The following SLC2A13 variants were observed in gnomAD, a reference collection of about 807,000 sequenced individuals.
SLC2A13 encodes the protein solute carrier family 2 member 13.
A neutral mutation model predicts 64.4 loss-of-function variants in SLC2A13; 32 were observed. That is an observed-to-expected ratio of 0.50 (90% CI 0.37 to 0.67). SLC2A13 has a LOEUF of 0.67. Ranked by LOEUF, SLC2A13 falls within the 30% of genes least tolerant of loss-of-function variation. The pLI is 0.00. For synonymous variants in SLC2A13, 338 were observed against 327.1 expected, an observed-to-expected ratio of 1.03 and a Z score of -0.36; for missense variants, 743 against 829.2, an observed-to-expected ratio of 0.90 and a Z score of 1.28.
At chr12:40,051,609 T>C (rs1296266199) in intron 1 of SLC2A13, among the ~76,000 whole-genome samples, 1 of 152,062 alleles carries the variant, frequency 6.6e-6, no homozygotes, top group Non-Finnish European at 1.5e-5. Context: ...GGGCCTTGGA[T>C]AGAAGTCATA....
chr12:39,783,827 C>T (rs1941086688), intron 7 of SLC2A13, among the ~76,000 whole-genome samples: 1 of 152,128 alleles, frequency 6.6e-6, no homozygotes, highest in Admixed American at 6.6e-5. Flanking sequence ...TAGAAAACCC[C>T]ATCGTCGCAG....
intron 3 of SLC2A13, among the ~76,000 whole-genome samples, chr12:39,956,926 A>C (rs1279602779): frequency 6.6e-6 from 1 of 152,136 alleles, no homozygotes; most frequent in Non-Finnish European, 1.5e-5. Context: ...GAGCAAGATA[A>C]TCACTGCTCA....
Position 39,980,518 on chromosome 12 carries a change from G to T in SLC2A13, c.926-29153C>A, listed in dbSNP as rs1946869832. On this transcript the variant is annotated intron_variant, in intron 3 of 9. Coordinates refer to ENST00000280871, the MANE Select transcript of SLC2A13 (RefSeq NM_052885.4). ...TGGAAAACAAAAAAAGGCAGGGGTTGCAATCCTAGTCTCTGATAAAGCAGA... is the reference window on the plus strand; with the variant it reads ...TGGAAAACAAAAAAAGGCAGGGGTTTCAATCCTAGTCTCTGATAAAGCAGA... Among the ~76,000 whole-genome samples the T allele has an allele frequency of 2.0e-5, 3 of 151,686 alleles. No homozygotes were observed. In the South Asian group the frequency reaches 6.3e-4, roughly 32 times the overall value.
intron 6 of SLC2A13, among the ~76,000 whole-genome samples, chr12:39,833,515 T>C (rs1942919275): frequency 6.6e-6 from 1 of 152,018 alleles, no homozygotes; most frequent in South Asian, 2.1e-4. Context: ...ATCCTCAATG[T>C]CTTCATATTT....
Position 39,846,926 on chromosome 12 carries a change from T to C in SLC2A13, c.1320-16698A>G, listed in dbSNP as rs553922426. The stretch of plus-strand genomic sequence containing the variant: ...ACTGTGACCATTCTTTTTGAAAAGA[T>C]AAGGAAATCACTCATTTGTTCAGAT... On this transcript the variant is annotated intron_variant, in intron 6 of 9. Coordinates refer to ENST00000280871, the MANE Select transcript of SLC2A13 (RefSeq NM_052885.4). Among the ~76,000 whole-genome samples the C allele has an allele frequency of 3.3e-5, 5 of 152,290 alleles. No homozygotes were observed. In the East Asian group the frequency reaches 9.6e-4, roughly 29 times the overall value.
At chr12:39,977,740 T>A (rs1334596315) in intron 3 of SLC2A13, among the ~76,000 whole-genome samples, 1 of 152,194 alleles carries the variant, frequency 6.6e-6, no homozygotes, top group Non-Finnish European at 1.5e-5. Context: ...TTGGCAGTAA[T>A]CCAGAGGCAA....
At chr12:39,838,760 T>C (rs187056899) in intron 6 of SLC2A13, among the ~76,000 whole-genome samples, 1 of 152,090 alleles carries the variant, frequency 6.6e-6, no homozygotes, top group Non-Finnish European at 1.5e-5. Context: ...GAAAATCTTT[T>C]AAAAATTGAT....
intron 3 of SLC2A13, among the ~76,000 whole-genome samples, chr12:40,021,345 A>G (rs2136207254): frequency 6.6e-6 from 1 of 152,300 alleles, no homozygotes; most frequent in African/African-American, 2.4e-5. Flanking sequence ...GGTTTAGAAA[A>G]TCGACGACAA....
Position 40,028,641 on chromosome 12 carries a change from G to T in SLC2A13, c.717-132C>A, listed in dbSNP as rs530207335. ...TAGCCAGAATTATTTGTGCATTTATGTGTGTGTCTGTCACTAGGAAAAAAG... is the reference window on the plus strand; with the variant it reads ...TAGCCAGAATTATTTGTGCATTTATTTGTGTGTCTGTCACTAGGAAAAAAG... On this transcript the variant is annotated intron_variant, in intron 2 of 9. Transcript: ENST00000280871. 9.0e-6 allele frequency: 7 copies of T among 780,092 alleles called. No homozygotes were observed. The East Asian group carries it at 1.6e-4, about 18-fold the overall frequency. 48.3% of individuals were successfully genotyped at this position (780,092 alleles called of 1,614,324 possible).
intron 1 of SLC2A13, among the ~76,000 whole-genome samples, chr12:40,104,113 A>C (rs1316707410): frequency 3.9e-5 from 6 of 152,208 alleles, no homozygotes; most frequent in Non-Finnish European, 8.8e-5. Context: ...GTGAATACAC[A>C]GATCAGCAGC....
chr12:39,830,316 C>T, intron 6 of SLC2A13, 88 bp from the exon 7 acceptor site: 4 of 1,535,668 alleles, frequency 2.6e-6, no homozygotes, highest in Non-Finnish European at 3.5e-6. Flanking sequence ...CTGCATTTTC[C>T]ACTCTCTTGT....
rs1231243844 is a variant in SLC2A13 at position 40,031,974 on chromosome 12, A to C, written c.717-3465T>G. ...GCAGGCAGTCCCCAGAAAAGCAAGTAGTCTCCTATTGATACAAGAGATCTC... is the reference window on the plus strand; with the variant it reads ...GCAGGCAGTCCCCAGAAAAGCAAGTCGTCTCCTATTGATACAAGAGATCTC... On this transcript the variant is annotated intron_variant, in intron 2 of 9. Coordinates refer to ENST00000280871, the MANE Select transcript of SLC2A13 (RefSeq NM_052885.4). Among the ~76,000 whole-genome samples, 5 of 152,274 alleles carry C rather than the reference A, an allele frequency of 3.3e-5. No homozygotes were observed. In the East Asian group the frequency reaches 9.7e-4, roughly 29 times the overall value.
At chr12:39,984,303 C>A (rs892490658) in intron 3 of SLC2A13, among the ~76,000 whole-genome samples, 1 of 150,912 alleles carries the variant, frequency 6.6e-6, no homozygotes, top group South Asian at 2.1e-4. Flanking sequence ...ACAATGTGCA[C>A]ATGTACCCTA....
intron 3 of SLC2A13, among the ~76,000 whole-genome samples, chr12:39,959,909 C>T (rs1399615404): frequency 6.6e-6 from 1 of 152,164 alleles, no homozygotes; most frequent in Non-Finnish European, 1.5e-5. Flanking sequence ...GCTGCATCTA[C>T]CAACCAACCC....
At chr12:40,100,921 C>T (rs753920139) in intron 1 of SLC2A13, among the ~76,000 whole-genome samples, 6 of 146,574 alleles carry the variant, frequency 4.1e-5, no homozygotes, top group Non-Finnish European at 7.4e-5. Flanking sequence ...GCCGAGATCT[C>T]GCCACCGTGC....
chr12:39,991,606 T>C (rs1277070443), intron 3 of SLC2A13, among the ~76,000 whole-genome samples: 1 of 152,178 alleles, frequency 6.6e-6, no homozygotes, highest in East Asian at 1.9e-4. Flanking sequence ...GGTGCTCTCT[T>C]TAGAATACAG....
At chr12:40,091,082 C>A (rs1938750379) in intron 1 of SLC2A13, among the ~76,000 whole-genome samples, 1 of 152,128 alleles carries the variant, frequency 6.6e-6, no homozygotes, top group Non-Finnish European at 1.5e-5. Context: ...ACCTGTACAG[C>A]ATGTTATTGT....
rs374816506 is a variant in SLC2A13 at position 39,901,893 on chromosome 12, G to A, written c.1035-29932C>T. ...TGCTGCTATAAAGACACATGCACACGTATGTTTATTGCGGCATTATTCCCA... is the reference window on the plus strand; with the variant it reads ...TGCTGCTATAAAGACACATGCACACATATGTTTATTGCGGCATTATTCCCA... On this transcript the variant is annotated intron_variant, in intron 4 of 9. Transcript: ENST00000280871. Among the ~76,000 whole-genome samples the A allele has an allele frequency of 3.5e-4, 53 of 151,542 alleles. No individual in the cohort carries two copies. In the East Asian group the frequency reaches 7.0e-3, roughly 20 times the overall value.
intron 3 of SLC2A13, among the ~76,000 whole-genome samples, chr12:40,017,976 T>TAAAAAAAAAAAAAAAAAAAA (rs5797648): frequency 2.3e-5 from 3 of 128,536 alleles, no homozygotes; most frequent in Non-Finnish European, 3.2e-5. Context: ...TGCACATATT[T>TAAAAAAAAAAAAAAAAAAAA]AAAAAAAAAA....
Sources: gnomAD v4.1 joint callset for allele counts (sites outside exome capture counted in the v4.1 genomes callset) on GRCh38, gnomAD v4.1.1 for gene constraint, MANE v1.5 for transcripts, NCBI Gene and HGNC (gene_info 2026-07-23, HGNC 2026-07-21) for gene names.